Variants in ASIC5 observed in about 807,000 individuals in gnomAD.
ASIC5 encodes the protein bile acid-sensitive ion channel.
Under a neutral mutation model 51.2 loss-of-function variants are expected in ASIC5, and 52 were observed. The ratio of observed to expected loss-of-function variants is 1.02; its 90% confidence interval spans 0.81 to 1.28. The LOEUF is 1.28. ASIC5 is among the 50% of genes most tolerant of loss of function. The probability of loss-of-function intolerance (pLI) is 0.00; values close to 1 mark genes in which losing one functional copy is unlikely to be tolerated. For synonymous variants in ASIC5, 231 were observed against 200.7 expected (o/e 1.15, Z -1.28); for missense variants, 635 against 595.0 (o/e 1.07, Z -0.70).
At chr4:155,857,248 C>A (rs971553853) in intron 2 of ASIC5, among the ~76,000 whole-genome samples, 1 of 152,022 alleles carries the variant, frequency 6.6e-6, no homozygotes, top group Admixed American at 6.6e-5. Context: ...TTCAGCCCCC[C>A]ACATAGCTGG....
chr4:155,856,689 C>A (rs1351705255), intron 2 of ASIC5, among the ~76,000 whole-genome samples: 1 of 151,980 alleles, frequency 6.6e-6, no homozygotes, highest in South Asian at 2.1e-4. Flanking sequence ...CAGATTTTGG[C>A]AGAAGTACAG....
chr4:155,836,251 C>T (rs1391869161), intron 8 of ASIC5, among the ~76,000 whole-genome samples: 1 of 152,198 alleles, frequency 6.6e-6, no homozygotes, highest in Non-Finnish European at 1.5e-5. Flanking sequence ...ACTACCTTCA[C>T]AGAACCATTT....
intron 6 of ASIC5, among the ~76,000 whole-genome samples, chr4:155,840,155 T>C (rs1446172990): frequency 6.6e-6 from 1 of 152,124 alleles, no homozygotes; most frequent in Non-Finnish European, 1.5e-5. Context: ...CATTAGCCAG[T>C]AGGTTTTGGT....
At chr4:155,836,438 C>T (rs971796737) in intron 8 of ASIC5, among the ~76,000 whole-genome samples, 10 of 152,242 alleles carry the variant, frequency 6.6e-5, no homozygotes, top group African/African-American at 1.9e-4. Context: ...CCAGTTTGGG[C>T]AATAAATGTT....
Position 155,854,310 on chromosome 4 carries a change from G to A in ASIC5, c.352C>T (p.Gln118Ter), listed in dbSNP as rs1376087124. Residue 118 changes from glutamine (Q) to a stop codon, truncating the protein, a stop_gained, in exon 3 of 10, where the codon CAA (glutamine) becomes TAA (stop). Coordinates refer to ENST00000537611, the MANE Select transcript of ASIC5 (RefSeq NM_017419.3). LOFTEE classifies it high-confidence loss of function. ...AVTFCNLNRF[Q>*]TDAVAKFGVI... Reference sequence around the variant, plus strand: ...CCAAATTTGGCTACAGCATCTGTTTGGAACCTATTAGCAGGAATGAAGGCA... The same window carrying A: ...CCAAATTTGGCTACAGCATCTGTTTAGAACCTATTAGCAGGAATGAAGGCA... The A allele has an allele frequency of 1.3e-6, 2 of 1,592,758 alleles. No homozygotes were observed. Among genetic ancestry groups the A allele is most frequent in the Non-Finnish European group, 1.7e-6 (2 of 1,161,594 alleles).
intron 7 of ASIC5, among the ~76,000 whole-genome samples, chr4:155,837,268 G>A (rs781410404): frequency 6.6e-6 from 1 of 152,028 alleles, no homozygotes; most frequent in African/African-American, 2.4e-5. Flanking sequence ...GATGGAAAGT[G>A]TGTAAACATC....
chr4:155,853,986 ATGGGAGTAAATGCCG>A, intron 3 of ASIC5, 76 bp downstream of exon 3: 1 of 959,500 alleles, frequency 1.0e-6, no homozygotes, highest in South Asian at 1.6e-5. Flanking sequence ...TTGATTCACC[ATGGGAGTAAATGCCG>A]TGGGAGCTCA....
intron 9 of ASIC5, among the ~76,000 whole-genome samples, chr4:155,831,049 A>C (rs181464598): frequency 6.6e-6 from 1 of 152,296 alleles, no homozygotes. Flanking sequence ...GCTTCCTCTA[A>C]GATGCGGTGA....
chr4:155,858,416 G>C (rs535670479), intron 2 of ASIC5, among the ~76,000 whole-genome samples: 1 of 152,138 alleles, frequency 6.6e-6, no homozygotes, highest in South Asian at 2.1e-4. Context: ...TCAATACATG[G>C]ATAAAGTTAA....
At chr4:155,865,639 C>T (rs1365486418) in intron 1 of ASIC5, among the ~76,000 whole-genome samples, 2 of 151,686 alleles carry the variant, frequency 1.3e-5, no homozygotes, top group Admixed American at 1.3e-4. Flanking sequence ...ATTGGTTTGG[C>T]CTTTCTGGAG....
chr4:155,866,108 A>G (rs1056696295), intron 1 of ASIC5, 79 bp downstream of exon 1: 15 of 892,290 alleles, frequency 1.7e-5, no homozygotes, highest in Non-Finnish European at 2.2e-5. Flanking sequence ...CAAATGAAGA[A>G]AAAAAATCTC....
intron 2 of ASIC5, among the ~76,000 whole-genome samples, chr4:155,859,292 GTTTAT>G (rs1350040283): frequency 1.3e-5 from 2 of 151,782 alleles, no homozygotes; most frequent in Non-Finnish European, 1.5e-5. Context: ...TTTTTGTATT[GTTTAT>G]TTTATTTTTT....
In ASIC5 at chr4:155,841,108, C is replaced by T. The variant is rs200363620; in HGVS notation, c.1009+1099G>A. Among the ~76,000 whole-genome samples the T allele has an allele frequency of 7.9e-5, 12 of 152,228 alleles. No individual in the cohort carries two copies. The East Asian group carries it at 2.1e-3, about 27-fold the overall frequency. On this transcript the variant is annotated intron_variant, in intron 6 of 9. Coordinates refer to ENST00000537611, the MANE Select transcript of ASIC5 (RefSeq NM_017419.3). ...GACTGATTTGAGTCATAATAAAACT[C>T]CAATCTCCCGCACAGCCAGCTCTGC...
At chr4:155,861,613 A>G (rs1442985958) in intron 2 of ASIC5, among the ~76,000 whole-genome samples, 1 of 152,050 alleles carries the variant, frequency 6.6e-6, no homozygotes, top group Non-Finnish European at 1.5e-5. Flanking sequence ...TTCTAAAAAA[A>G]TCCATTCTGA....
rs181563620 is a variant in ASIC5, at chr4:155,858,026, G to A, written c.348-3712C>T. Among the ~76,000 whole-genome samples, 676 of 152,172 alleles carry A rather than the reference G, an allele frequency of 4.4e-3. 4 individuals are homozygous for A. The highest frequency in any genetic ancestry group is 0.016 in the African/African-American group (651 of 41,546). ...TTACTCATAAACAATGGATCAAATA[G>A]CATCAGTAGTCACTACATCCAATTA... On this transcript the variant is annotated intron_variant, in intron 2 of 9. Coordinates refer to ENST00000537611, the MANE Select transcript of ASIC5 (RefSeq NM_017419.3).
chr4:155,859,046 G>T (rs1055183913), intron 2 of ASIC5: 3 of 152,042 alleles, frequency 2.0e-5, no homozygotes, highest in African/African-American at 7.2e-5. Context: ...TGAGAAAATT[G>T]TAAGAGAGGG....
intron 9 of ASIC5, among the ~76,000 whole-genome samples, chr4:155,830,702 T>C (rs746383425): frequency 2.4e-4 from 37 of 152,176 alleles, no homozygotes; most frequent in Non-Finnish European, 4.7e-4. Flanking sequence ...ATTTGCAGGA[T>C]GTTTTCATCT....
rs557354009 is a variant in ASIC5, at chr4:155,854,908, A to G, written c.348-594T>C. 5 of 152,358 alleles carry G rather than the reference A, an allele frequency of 3.3e-5. No individual in the cohort carries two copies. In the East Asian group the frequency reaches 7.8e-4, roughly 24 times the overall value. The allele number at this position is 152,358 out of a possible 1,614,324, so 9.4% of individuals were successfully genotyped here. A position where few individuals can be genotyped will look rare whatever the true frequency, so the allele number is the denominator to read the frequency against. Reference sequence around the variant, plus strand: ...AAAGATGACAGCTATCCTGCAGGTCATTCACACCATCAAGATTGGAGGTAG... The same window carrying G: ...AAAGATGACAGCTATCCTGCAGGTCGTTCACACCATCAAGATTGGAGGTAG... On this transcript the variant is annotated intron_variant, in intron 2 of 9. Coordinates refer to ENST00000537611, the MANE Select transcript of ASIC5 (RefSeq NM_017419.3).
At chr4:155,848,598 A>C (rs187605847) in intron 4 of ASIC5, among the ~76,000 whole-genome samples, 56 of 152,144 alleles carry the variant, frequency 3.7e-4, no homozygotes, top group Admixed American at 1.8e-3. Context: ...GTCTTTGACT[A>C]TGTCTGCCCT....
Sources: gnomAD v4.1 joint callset for allele counts (sites outside exome capture counted in the v4.1 genomes callset) on GRCh38, gnomAD v4.1.1 for gene constraint, MANE v1.5 for transcripts, NCBI Gene and HGNC (gene_info 2026-07-23, HGNC 2026-07-21) for gene names.